The following ECI1 variants were observed in gnomAD, a reference collection of about 807,000 sequenced individuals.
ECI1 encodes enoyl-CoA delta isomerase 1, mitochondrial.
A neutral mutation model predicts 34.2 loss-of-function variants in ECI1; 34 were observed. The ratio of observed to expected loss-of-function variants is 1.00; its 90% CI spans 0.76 to 1.33. The LOEUF is 1.33. Among genes scored for constraint, ECI1 ranks in the 40% most tolerant of loss-of-function variants. The pLI is 0.00. For missense variants in ECI1, 456 were observed against 422.2 expected, an observed-to-expected ratio of 1.08 and a Z score of -0.70; for synonymous variants, 211 against 193.0, an observed-to-expected ratio of 1.09 and a Z score of -0.77.
chr16:2,244,883 G>C (rs1005853741), intron 3 of ECI1, among the ~76,000 whole-genome samples: 2 of 152,218 alleles, frequency 1.3e-5, no homozygotes, highest in African/African-American at 4.8e-5. Flanking sequence ...GAACCCAGAG[G>C]TGTGGTGAAG....
At position 2,243,616 on chromosome 16, in the gene ECI1, A is replaced by G. The variant is rs150544142; in HGVS notation, c.442-177T>C. 1.5e-4 allele frequency among the ~76,000 whole-genome samples: 23 copies of G among 152,298 alleles called. 1 individual carries two copies. The East Asian group carries it at 4.1e-3, about 27-fold the overall frequency. On this transcript the variant is annotated intron_variant, in intron 4 of 6. Coordinates refer to ENST00000301729, the MANE Select transcript of ECI1 (RefSeq NM_001919.4). The stretch of plus-strand genomic sequence containing the variant: ...GCACTGGGAAATGGATGAGGAAGGA[A>G]CTGGCCCCTTAGCGCTCGGCAAGGA...
chr16:2,250,011 CA>C (rs1055446258), intron 2 of ECI1, among the ~76,000 whole-genome samples: 128 of 104,902 alleles, frequency 1.2e-3, no homozygotes, highest in Admixed American at 1.5e-3. Flanking sequence ...GCCTCTGTCT[CA>C]AAAAAAAAAA....
chr16:2,246,538 TGGGAAGGCTGTCTCCC>T (rs1324076015), intron 3 of ECI1, among the ~76,000 whole-genome samples: 1 of 152,094 alleles, frequency 6.6e-6, no homozygotes, highest in African/African-American at 2.4e-5. Context: ...GGCTGCCTCT[TGGGAAGGCTGTCTCCC>T]GGGAAGGGCG....
intron 3 of ECI1, among the ~76,000 whole-genome samples, chr16:2,245,518 C>T (rs1567313841): frequency 1.3e-5 from 2 of 152,152 alleles, no homozygotes; most frequent in Non-Finnish European, 2.9e-5. Flanking sequence ...GCTGGTGCCG[C>T]ACAGAATGGG....
At chr16:2,246,817 C>A (rs1368774467) in intron 3 of ECI1, 42 bp downstream of exon 3, 6 of 1,610,948 alleles carry the variant, frequency 3.7e-6, no homozygotes, top group Non-Finnish European at 2.5e-6. Context: ...AGAACTCAGG[C>A]CAAGAACTCG....
rs186464917 is a variant in ECI1, at chr16:2,245,259, C to T, written c.295-707G>A. Among the ~76,000 whole-genome samples, 380 of 152,336 alleles carry T rather than the reference C, an allele frequency of 2.5e-3. 3 individuals carry two copies. The highest frequency in any genetic ancestry group is 4.0e-3 in the Non-Finnish European group (275 of 68,014). ...ACACGGCACGTTTTCCTCCCGAGGG[C>T]CAGACCCCCCAAGGCTGTGGGTGAA... On this transcript the variant is annotated intron_variant, in intron 3 of 6. Transcript: ENST00000301729.
chr16:2,245,929 T>C (rs887241757), intron 3 of ECI1, among the ~76,000 whole-genome samples: 1 of 152,032 alleles, frequency 6.6e-6, no homozygotes, highest in African/African-American at 2.4e-5. Flanking sequence ...CACGTCACTG[T>C]ACTCCAGCCT....
At position 2,244,403 on chromosome 16, in the gene ECI1, C is replaced by A. The variant is rs2093535244; in HGVS notation, c.441+3G>T. 1 of 1,611,956 alleles carries A rather than the reference C, an allele frequency of 6.2e-7. No individual in the cohort carries two copies. The highest frequency in any genetic ancestry group is 1.1e-5 in the South Asian group (1 of 90,682). On this transcript the variant is annotated splice_donor_region_variant and intron_variant, in intron 4 of 6. Transcript: ENST00000301729. ...GAGGCCACCTGGGAGTGGGGACACT[C>A]ACGTTGATGGCGGAGACCAGCACCA...
intron 2 of ECI1, 143 bp downstream of exon 2, chr16:2,251,173 G>A: frequency 3.6e-6 from 1 of 275,244 alleles, no homozygotes; most frequent in African/African-American, 2.3e-5. Flanking sequence ...AACCCAGGTA[G>A]AGCGGCAAGG....
chr16:2,240,093 G>A lies in ECI1; in HGVS notation c.795C>T (p.Arg265=). The part of the protein sequence containing the change: ...KAMMRKATAS[R]LVTQRDADVQ... ...CGTCCGCATCGCGCTGCGTGACCAG[G>A]CGGCTGGCCGTGGCCTTTCGCATCA... The change falls in exon 7 of 7, where the codon CGC becomes CGT. Residue 265 remains arginine, a synonymous_variant. Transcript: ENST00000301729. 2 of 1,613,922 alleles carry A rather than the reference G, an allele frequency of 1.2e-6. No individual in the cohort carries two copies. The highest frequency in any genetic ancestry group is 1.7e-6 in the Non-Finnish European group (2 of 1,180,050).
intron 2 of ECI1, among the ~76,000 whole-genome samples, chr16:2,248,648 A>G (rs2093545897): frequency 6.6e-6 from 1 of 150,650 alleles, no homozygotes; most frequent in African/African-American, 2.5e-5. Flanking sequence ...TTCTGACCTC[A>G]GGTGATCCTC....
At chr16:2,244,687 A>C in intron 3 of ECI1, 135 bp from the exon 4 acceptor site, 1 of 964,418 alleles carries the variant, frequency 1.0e-6, no homozygotes, top group East Asian at 2.6e-5. Context: ...GCTGCCCCAC[A>C]GAGCCAGGAC....
rs1044921304 is a variant in ECI1, at chr16:2,243,454, C to T, written c.442-15G>A. 9.9e-6 allele frequency: 16 copies of T among 1,611,028 alleles called. No homozygotes were observed. The highest frequency in any genetic ancestry group is 1.3e-5 in the African/African-American group (1 of 75,010). ...GGGCAGGCTCCCTGCAGGGAGAGGCCGGACAGGGCTCTTAGGTGCTGCTGG... is the reference window on the plus strand; with the variant it reads ...GGGCAGGCTCCCTGCAGGGAGAGGCTGGACAGGGCTCTTAGGTGCTGCTGG... On this transcript the variant is annotated splice_polypyrimidine_tract_variant and intron_variant, in intron 4 of 6. Transcript: ENST00000301729.
At chr16:2,249,087 C>T (rs2093546835) in intron 2 of ECI1, among the ~76,000 whole-genome samples, 1 of 151,806 alleles carries the variant, frequency 6.6e-6, no homozygotes, top group Non-Finnish European at 1.5e-5. Context: ...GCTCTGTTGC[C>T]CAGGCTGGAG....
chr16:2,243,276 TC>T (rs771691204), intron 5 of ECI1, 41 bp downstream of exon 5: 10 of 1,613,228 alleles, frequency 6.2e-6, no homozygotes, highest in Non-Finnish European at 8.5e-6. Flanking sequence ...GTCTGTTCCC[TC>T]CACAACAAGC....
In ECI1 at chr16:2,244,483, C is replaced by A. The variant is rs377274938; in HGVS notation, c.364G>T (p.Ala122Ser). ...EMCGRSPAHY[A>S]GYWKAVQELW... ...TCCTGAACGGCCTTCCAGTACCCAGCGTAGTGGGCGGGGCTCCTCCCACAC... is the reference window on the plus strand; with the variant it reads ...TCCTGAACGGCCTTCCAGTACCCAGAGTAGTGGGCGGGGCTCCTCCCACAC... Residue 122 changes from alanine to serine, a missense_variant, in exon 4 of 7, where the codon GCT becomes TCT. Coordinates refer to ENST00000301729, the MANE Select transcript of ECI1 (RefSeq NM_001919.4). 3 of 1,609,760 alleles carry A rather than the reference C, an allele frequency of 1.9e-6. No individual in the cohort carries two copies. Among genetic ancestry groups the A allele is most frequent in the African/African-American group, 1.3e-5 (1 of 74,894 alleles).
At chr16:2,248,168 C>T (rs1233578393) in intron 2 of ECI1, among the ~76,000 whole-genome samples, 5 of 152,080 alleles carry the variant, frequency 3.3e-5, no homozygotes, top group South Asian at 2.1e-4. Flanking sequence ...GCGATCTCAG[C>T]TCACTACAAC....
intron 6 of ECI1, chr16:2,242,351 T>G (rs1405629848): frequency 6.5e-6 from 1 of 152,916 alleles, no homozygotes; most frequent in African/African-American, 2.4e-5. Flanking sequence ...GTCTCCTCTG[T>G]GGCTGCTTTC....
intron 4 of ECI1, chr16:2,244,172 C>T (rs1289685354): frequency 1.7e-6 from 1 of 590,492 alleles, no homozygotes; most frequent in African/African-American, 1.9e-5. Flanking sequence ...GGTCCCTACC[C>T]ACTGGCTCTT....
Sources: gnomAD v4.1 joint callset for allele counts (sites outside exome capture counted in the v4.1 genomes callset) on GRCh38, gnomAD v4.1.1 for gene constraint, MANE v1.5 for transcripts, NCBI Gene and HGNC (gene_info 2026-07-23, HGNC 2026-07-21) for gene names.